SH3D19: variants seen among roughly 807,000 people sequenced by gnomAD.
The protein encoded by SH3D19 is SH3 domain containing 19, also known as SH3 domain-containing protein 19.
Under a neutral mutation model 112.1 loss-of-function variants are expected in SH3D19, and 58 were observed. The ratio of observed to expected loss-of-function variants is 0.52; its 90% CI spans 0.42 to 0.64. The LOEUF is 0.64. Ranked by LOEUF, SH3D19 falls within the 30% of genes least tolerant of loss-of-function variation. The pLI is 0.00. For synonymous variants in SH3D19, 391 were observed against 448.5 expected (o/e 0.87, Z 1.62); for missense variants, 1,090 against 1,263.4 (o/e 0.86, Z 2.08).
chr4:151,241,758 C>CA (rs899145975), intron 1 of SH3D19, among the ~76,000 whole-genome samples: 2 of 151,518 alleles, frequency 1.3e-5, no homozygotes, highest in South Asian at 2.1e-4. Context: ...AAGCTGTTAC[C>CA]AAAAAAAGAA....
At chr4:151,149,676 T>C (rs1754568450) in intron 9 of SH3D19, 115 bp from the exon 10 acceptor site, 3 of 840,242 alleles carry the variant, frequency 3.6e-6, no homozygotes, top group South Asian at 1.7e-5. Flanking sequence ...AGTTGAATTA[T>C]AGAAAGTAGC....
At chr4:151,199,287 T>G (rs1439462345) in intron 2 of SH3D19, among the ~76,000 whole-genome samples, 2 of 152,132 alleles carry the variant, frequency 1.3e-5, no homozygotes, top group Non-Finnish European at 2.9e-5. Flanking sequence ...TGAGTCTGAG[T>G]ACAACTGTCC....
At chr4:151,131,326 A>T (rs2149735933) in intron 17 of SH3D19, among the ~76,000 whole-genome samples, 1 of 152,016 alleles carries the variant, frequency 6.6e-6, no homozygotes, top group South Asian at 2.1e-4. Context: ...ACATGCTTAT[A>T]ATTGCTTGTT....
chr4:151,278,030 G>C (rs1246447112), intron 1 of SH3D19, among the ~76,000 whole-genome samples: 1 of 151,626 alleles, frequency 6.6e-6, no homozygotes, highest in African/African-American at 2.4e-5. Flanking sequence ...GACAGAGTAA[G>C]ACCCCGTCCC....
rs567745313 is a variant in SH3D19, at chr4:151,271,984, C to T, written c.113-45898G>A. 6.6e-5 allele frequency among the ~76,000 whole-genome samples: 10 copies of T among 152,140 alleles called. No homozygotes were observed. The East Asian group carries it at 1.7e-3, about 26-fold the overall frequency. On this transcript the variant is annotated intron_variant, in intron 1 of 19. Coordinates refer to ENST00000604030, the MANE Select transcript of SH3D19 (RefSeq NM_001378122.1). ...TAATCTAAGACCTGAAGACACGGCACGATGAGAGAGGAAGAAACTGTAAGA... is the reference window on the plus strand; with the variant it reads ...TAATCTAAGACCTGAAGACACGGCATGATGAGAGAGGAAGAAACTGTAAGA...
At chr4:151,290,731 C>T (rs76480650) in intron 1 of SH3D19, among the ~76,000 whole-genome samples, 2,955 of 152,222 alleles carry the variant, frequency 0.019, 47 homozygotes, top group Middle Eastern at 0.037. Context: ...AAGACTACTA[C>T]CAACAACTAT....
At chr4:151,302,924 G>T (rs571158712) in intron 1 of SH3D19, among the ~76,000 whole-genome samples, 10 of 152,068 alleles carry the variant, frequency 6.6e-5, no homozygotes, top group African/African-American at 9.7e-5. Flanking sequence ...TGTAAATGAC[G>T]AGTTAATGGG....
chr4:151,310,273 C>T (rs965893686), intron 1 of SH3D19, among the ~76,000 whole-genome samples: 6 of 151,260 alleles, frequency 4.0e-5, no homozygotes, highest in African/African-American at 1.5e-4. Flanking sequence ...ACTCGGGAGG[C>T]TGAAGCAAGA....
chr4:151,175,781 A>C (rs1186745383), intron 6 of SH3D19, 107 bp from the exon 7 acceptor site: 29 of 1,053,154 alleles, frequency 2.8e-5, no homozygotes, highest in Non-Finnish European at 3.3e-5. Flanking sequence ...CATACATGGA[A>C]TATCAAGAGA....
intron 2 of SH3D19, among the ~76,000 whole-genome samples, chr4:151,198,513 C>G (rs1763913366): frequency 6.7e-6 from 1 of 148,406 alleles, no homozygotes; most frequent in Non-Finnish European, 1.5e-5. Context: ...CCCTAGCCAC[C>G]CATTTCTTAG....
At chr4:151,251,896 A>G (rs757603239) in intron 1 of SH3D19, among the ~76,000 whole-genome samples, 2 of 152,148 alleles carry the variant, frequency 1.3e-5, no homozygotes, top group Admixed American at 6.5e-5. Context: ...ACACTTCTCC[A>G]TAAGTCCTCA....
intron 1 of SH3D19, among the ~76,000 whole-genome samples, chr4:151,247,856 G>A (rs1474191252): frequency 6.6e-6 from 1 of 152,154 alleles, no homozygotes; most frequent in Admixed American, 6.6e-5. Context: ...TGCACAAATA[G>A]TATAATTTTC....
chr4:151,301,206 G>C (rs1728381367), intron 1 of SH3D19, among the ~76,000 whole-genome samples: 1 of 152,168 alleles, frequency 6.6e-6, no homozygotes, highest in Non-Finnish European at 1.5e-5. Flanking sequence ...TCTCACAACA[G>C]AGTTCTCGTG....
At position 151,137,809 on chromosome 4, in the gene SH3D19, T is replaced by C; in HGVS notation, c.2350A>G (p.Lys784Glu). 6.2e-7 allele frequency: 1 copy of C among 1,610,988 alleles called. No individual in the cohort carries two copies. The highest frequency in any genetic ancestry group is 8.5e-7 in the Non-Finnish European group (1 of 1,178,784). ...TSGEIVYLLE[K>E]IDTDWYRGNC... ...CCTCTGTACCAATCTGTATCTATCT[T>C]CTCCAGAAGATAAACAATTTCTCCA... is the stretch of plus-strand genomic sequence containing the variant. Residue 784 changes from lysine to glutamate, a missense_variant, in exon 14 of 20, where the codon AAG (lysine) becomes GAG (glutamate). By Grantham distance (56) the Lys-to-Glu change is moderately conservative. Transcript: ENST00000604030.
At chr4:151,188,059 C>A (rs909292018) in intron 2 of SH3D19, among the ~76,000 whole-genome samples, 1 of 152,158 alleles carries the variant, frequency 6.6e-6, no homozygotes, top group Non-Finnish European at 1.5e-5. Context: ...CTGCCTTTCA[C>A]CATGGGATGA....
chr4:151,298,794 T>G (rs1462503488), intron 1 of SH3D19, among the ~76,000 whole-genome samples: 1 of 152,248 alleles, frequency 6.6e-6, no homozygotes, highest in Non-Finnish European at 1.5e-5. Context: ...ACATTATATA[T>G]AATCACGAAG....
intron 1 of SH3D19, among the ~76,000 whole-genome samples, chr4:151,244,269 T>C (rs574258787): frequency 5.9e-5 from 9 of 152,264 alleles, no homozygotes; most frequent in Admixed American, 3.9e-4. Context: ...GTTTTTGGTT[T>C]TGTTTTGTTT....
intron 4 of SH3D19, among the ~76,000 whole-genome samples, chr4:151,178,460 T>C (rs6837905): frequency 0.94 from 142,730 of 152,316 alleles, 67,077 homozygotes; most frequent in African/African-American, 0.96. Flanking sequence ...ATTTGAACTG[T>C]ACTTCCTAAG....
intron 2 of SH3D19, among the ~76,000 whole-genome samples, chr4:151,196,944 AC>A (rs1442583520): frequency 6.6e-6 from 1 of 152,192 alleles, no homozygotes; most frequent in African/African-American, 2.4e-5. Context: ...ACAATGTGAT[AC>A]CCCTCTACTC....
Sources: allele counts gnomAD v4.1 joint callset (sites outside exome capture counted in the v4.1 genomes callset), GRCh38; gene constraint gnomAD v4.1.1; transcripts MANE v1.5; gene names NCBI Gene and HGNC (gene_info 2026-07-23, HGNC 2026-07-21).